Variants in TBC1D9B observed in about 807,000 individuals in gnomAD.
The protein encoded by TBC1D9B is TBC1 domain family member 9B.
TBC1D9B carries 87 observed loss-of-function variants against 121.1 expected under a neutral mutation model. The ratio of observed to expected loss-of-function variants is 0.72; its 90% CI spans 0.60 to 0.86. TBC1D9B has a LOEUF of 0.86. Among genes scored for constraint, TBC1D9B ranks in the 40% least tolerant of loss-of-function variants. The pLI is 0.00. For missense variants in TBC1D9B, 1,540 were observed against 1,628.6 expected, an observed-to-expected ratio of 0.95 and a Z score of 0.94; for synonymous variants, 668 against 670.1, an observed-to-expected ratio of 1.00 and a Z score of 0.05.
rs1415749388 is a variant in TBC1D9B at position 179,870,275 on chromosome 5, T to G, written c.2705A>C (p.Lys902Thr). The change falls in exon 16 of 21, where the codon AAG becomes ACG. Residue 902 changes from lysine to threonine, a missense_variant. Lys to Thr is a moderately conservative substitution (Grantham distance 78). Coordinates refer to ENST00000355235, the MANE Select transcript of TBC1D9B (RefSeq NM_015043.4). Reference protein sequence around the residue: ...DENKDSLINFKEFVTGMSGMY... With the variant: ...DENKDSLINFTEFVTGMSGMY... ...CTCACTCATCCCTGTCACGAACTCC[T>G]TGAAGTTGATCAGCGAGTCCTTGTT... 1.9e-6 allele frequency: 3 copies of G among 1,613,848 alleles called. No individual in the cohort carries two copies. The South Asian group carries it at 3.3e-5, about 18-fold the overall frequency.
At position 179,865,995 on chromosome 5, in the gene TBC1D9B, A is replaced by AG; in HGVS notation, c.2864-108dup. On this transcript the variant is annotated intron_variant, in intron 18 of 20. Coordinates refer to ENST00000355235, the MANE Select transcript of TBC1D9B (RefSeq NM_015043.4). This position sits in a 1 kb window ranked among gnomAD's most constrained non-coding sequence, Gnocchi z 5.1. ...TCTGTGTTTCTGTACAGCCAGCCCC[A>AG]GGCCAGGCCCTGGGGAGCAGGTCTC... 6 of 1,413,768 alleles carry AG rather than the reference A, an allele frequency of 4.2e-6. No homozygotes were observed. The highest frequency in any genetic ancestry group is 6.0e-6 in the Non-Finnish European group (6 of 1,008,398). 87.6% of individuals were successfully genotyped at this position (1,413,768 alleles called of 1,614,324 possible). A position where few individuals can be genotyped will look rare whatever the true frequency, so the allele number is the denominator to read the frequency against.
chr5:179,865,737 C>CG lies in TBC1D9B; in HGVS notation c.2914+100dup. On this transcript the variant is annotated intron_variant, in intron 19 of 20. Transcript: ENST00000355235. This position sits in a 1 kb window ranked among gnomAD's most constrained non-coding sequence, Gnocchi z 5.1. ...ATCGGGGGACGCATCCGCCATCTCC[C>CG]GGGGTAGGGGGCTCCCTGGCAGTGA... The CG allele has an allele frequency of 7.4e-7, 1 of 1,356,280 alleles. No homozygotes were observed. 84.0% of individuals were successfully genotyped at this position (1,356,280 alleles called of 1,614,324 possible).
chr5:179,892,449 TG>T (rs1311283207), intron 5 of TBC1D9B, among the ~76,000 whole-genome samples: 4 of 152,228 alleles, frequency 2.6e-5, no homozygotes, highest in African/African-American at 9.6e-5. Flanking sequence ...AATCTGGCTG[TG>T]GTCAGGCTGG....
At position 179,872,654 on chromosome 5, in the gene TBC1D9B, G is replaced by A. The variant is rs1355514173; in HGVS notation, c.2415+238C>T. The A allele has an allele frequency of 2.4e-5, 13 of 547,154 alleles. No individual in the cohort carries two copies. The Admixed American group carries it at 3.9e-4, about 16-fold the overall frequency. The allele number at this position is 547,154 out of a possible 1,614,324, so 33.9% of individuals were successfully genotyped here. ...GGCTGGGCATGTGGCTTTCAGGGTG[G>A]GAGCCATCTGAGAAGCTTCCCGGTG... On this transcript the variant is annotated intron_variant, in intron 14 of 20. Coordinates refer to ENST00000355235, the MANE Select transcript of TBC1D9B (RefSeq NM_015043.4).
intron 4 of TBC1D9B, 35 bp from the exon 5 acceptor site, chr5:179,893,502 G>A: frequency 6.4e-7 from 1 of 1,557,046 alleles, no homozygotes; most frequent in Non-Finnish European, 8.7e-7. Flanking sequence ...CGCAAGTTAG[G>A]GCCTGGCAGG....
chr5:179,883,354 T>C (rs1760592180), intron 7 of TBC1D9B, among the ~76,000 whole-genome samples: 1 of 152,220 alleles, frequency 6.6e-6, no homozygotes, highest in Non-Finnish European at 1.5e-5. Context: ...GGGTGTGGGA[T>C]GGCACTACGA....
intron 5 of TBC1D9B, among the ~76,000 whole-genome samples, chr5:179,892,375 C>T (rs27411): frequency 0.54 from 82,487 of 152,190 alleles, 23,926 homozygotes; most frequent in East Asian, 0.76. Flanking sequence ...GCCTGGACCA[C>T]AGTCTGTGGG....
intron 2 of TBC1D9B, among the ~76,000 whole-genome samples, chr5:179,903,927 A>G (rs1437439773): frequency 2.6e-5 from 4 of 152,076 alleles, no homozygotes; most frequent in African/African-American, 9.7e-5. Flanking sequence ...AGCTGGGGAC[A>G]TGGGCATCAG....
chr5:179,885,790 C>T lies in TBC1D9B; in HGVS notation c.1254+2313G>A, dbSNP rs557434838. On this transcript the variant is annotated intron_variant, in intron 7 of 20. Transcript: ENST00000355235. The surrounding 1 kb of genome is among the most constrained non-coding windows in gnomAD (Gnocchi z 4.5). ...GTCAACATGGACGGCCACAGTAACC[C>T]CATTAACACGTAAACAGGTCGTGCC... is the stretch of plus-strand genomic sequence containing the variant. Among the ~76,000 whole-genome samples, 144 of 152,232 alleles carry T rather than the reference C, an allele frequency of 9.5e-4. 1 individual carries two copies. The highest frequency in any genetic ancestry group is 3.4e-3 in the African/African-American group (143 of 41,532).
chr5:179,869,612 C>G, intron 17 of TBC1D9B, 157 bp downstream of exon 17: 1 of 807,358 alleles, frequency 1.2e-6, no homozygotes. Context: ...CTGTGAAGTG[C>G]TCAAGCTCCC....
At chr5:179,898,152 CTTTT>C (rs60471704) in intron 3 of TBC1D9B, among the ~76,000 whole-genome samples, 1 of 138,264 alleles carries the variant, frequency 7.2e-6, no homozygotes, top group Non-Finnish European at 1.6e-5. Flanking sequence ...CCCATCTCTA[CTTTT>C]TTTTTTTTTT....
At chr5:179,866,018 C>G (rs1290837343) in intron 18 of TBC1D9B, 130 bp from the exon 19 acceptor site, 23 of 1,119,438 alleles carry the variant, frequency 2.1e-5, no homozygotes, top group Non-Finnish European at 2.6e-5. Context: ...GGGAGCAGGT[C>G]TCCCATGCCA....
At position 179,907,167 on chromosome 5, in the gene TBC1D9B, G is replaced by T. The variant is rs187318750; in HGVS notation, c.118+537C>A. On this transcript the variant is annotated intron_variant, in intron 1 of 20. Transcript: ENST00000355235. This position sits in a 1 kb window ranked among gnomAD's most constrained non-coding sequence, Gnocchi z 5.3. The stretch of plus-strand genomic sequence containing the variant: ...GAGAGCAGCCAGGAGCAGGAAAGGT[G>T]GGGGAGGAGAAGCTGGGGGAATGGG... Among the ~76,000 whole-genome samples, 224 of 152,336 alleles carry T rather than the reference G, an allele frequency of 1.5e-3. No homozygotes were observed. The highest frequency in any genetic ancestry group is 5.2e-3 in the African/African-American group (215 of 41,584).
At chr5:179,879,315 T>C in intron 8 of TBC1D9B, 118 bp from the exon 9 acceptor site, 1 of 1,430,002 alleles carries the variant, frequency 7.0e-7, no homozygotes. Flanking sequence ...AGTGTGGCCT[T>C]CCTCGCAATT....
intron 7 of TBC1D9B, 32 bp downstream of exon 7, chr5:179,888,071 C>T (rs1175083435): frequency 6.2e-6 from 10 of 1,611,994 alleles, no homozygotes; most frequent in South Asian, 1.1e-5. Context: ...CTGGGCCCAA[C>T]TCGACCCTGC....
chr5:179,886,702 G>A (rs998339898), intron 7 of TBC1D9B, among the ~76,000 whole-genome samples: 7 of 152,332 alleles, frequency 4.6e-5, no homozygotes, highest in African/African-American at 2.4e-5. Context: ...TCCCACGCCC[G>A]CTGCCCAATG....
At position 179,891,280 on chromosome 5, in the gene TBC1D9B, C is replaced by A. The variant is rs1760852858; in HGVS notation, c.1044+99G>T. On this transcript the variant is annotated intron_variant, in intron 6 of 20. Transcript: ENST00000355235. This position sits in a 1 kb window ranked among gnomAD's most constrained non-coding sequence, Gnocchi z 4.3. ...TGGGCTAGGGCATCCTCCCAGGTAC[C>A]CCCCAGTGAGACAGGGCAGAGCAGG... The A allele has an allele frequency of 4.3e-6, 6 of 1,385,730 alleles. No individual in the cohort carries two copies. The highest frequency in any genetic ancestry group is 2.8e-5 in the African/African-American group (2 of 70,594). 85.8% of individuals were successfully genotyped at this position (1,385,730 alleles called of 1,614,324 possible). A position where few individuals can be genotyped will look rare whatever the true frequency, so the allele number is the denominator to read the frequency against.
rs1759987970 is a variant in TBC1D9B at position 179,865,716 on chromosome 5, G to A, written c.2914+122C>T. ...CATCCCGAGGCCTGCTCCCTGATCG[G>A]GGGACGCATCCGCCATCTCCCGGGG... On this transcript the variant is annotated intron_variant, in intron 19 of 20. Transcript: ENST00000355235. The surrounding 1 kb of genome is among the most constrained non-coding windows in gnomAD (Gnocchi z 5.1). The A allele has an allele frequency of 3.5e-6, 4 of 1,135,888 alleles. No homozygotes were observed. Among genetic ancestry groups the A allele is most frequent in the Non-Finnish European group, 5.1e-6 (4 of 789,640 alleles). The allele number at this position is 1,135,888 out of a possible 1,614,324, so 70.4% of individuals were successfully genotyped here.
At chr5:179,866,297 C>T (rs550013434) in intron 18 of TBC1D9B, 29 of 189,944 alleles carry the variant, frequency 1.5e-4, no homozygotes, top group African/African-American at 5.4e-4. Flanking sequence ...CCCTTCCACC[C>T]GCGCCTGCTG....
Sources: allele counts gnomAD v4.1 joint callset (sites outside exome capture counted in the v4.1 genomes callset), GRCh38; gene constraint gnomAD v4.1.1; non-coding constraint Gnocchi (gnomAD v3.1); transcripts MANE v1.5; gene names NCBI Gene and HGNC (gene_info 2026-07-23, HGNC 2026-07-21).